The following KIAA1217 variants were observed in gnomAD, a reference collection of about 807,000 sequenced individuals.
KIAA1217 encodes the protein KIAA1217, also known as sickle tail protein homolog.
Under a neutral mutation model 163.9 loss-of-function variants are expected in KIAA1217, and 88 were observed. The ratio of observed to expected loss-of-function variants is 0.54; its 90% CI spans 0.45 to 0.64. KIAA1217 has a LOEUF of 0.64. Ranked by LOEUF, KIAA1217 falls within the 30% of genes least tolerant of loss-of-function variation. The pLI is 0.00. For synonymous variants in KIAA1217, 903 were observed against 923.1 expected, an observed-to-expected ratio of 0.98 and a Z score of 0.39; for missense variants, 2,372 against 2,475.0, an observed-to-expected ratio of 0.96 and a Z score of 0.88.
At chr10:24,357,333 A>C (rs1470109483) in intron 2 of KIAA1217, among the ~76,000 whole-genome samples, 2 of 152,224 alleles carry the variant, frequency 1.3e-5, no homozygotes, top group African/African-American at 2.4e-5. Flanking sequence ...AAAAGGGAGA[A>C]TCAGAAGTGC....
At chr10:24,039,929 C>T (rs1341343358) in intron 2 of KIAA1217, among the ~76,000 whole-genome samples, 3 of 152,156 alleles carry the variant, frequency 2.0e-5, no homozygotes, top group African/African-American at 7.2e-5. Flanking sequence ...GCATAATCCC[C>T]TTGATTTTTC....
chr10:24,512,782 G>A lies in KIAA1217; in HGVS notation c.2002-477G>A, dbSNP rs551430631. Reference sequence around the variant, plus strand: ...GTTGAGTTCCCATTCTACACCATGCGGTATTTCATGTAACCCTCAAGAATG... The same window carrying A: ...GTTGAGTTCCCATTCTACACCATGCAGTATTTCATGTAACCCTCAAGAATG... On this transcript the variant is annotated intron_variant, in intron 9 of 20. Transcript: ENST00000376454. 3.9e-5 allele frequency among the ~76,000 whole-genome samples: 6 copies of A among 152,188 alleles called. 1 individual carries two copies. Among genetic ancestry groups the A allele is most frequent in the South Asian group, 2.1e-4 (1 of 4,814 alleles).
chr10:24,296,048 C>G (rs1590707728), intron 2 of KIAA1217, among the ~76,000 whole-genome samples: 1 of 152,260 alleles, frequency 6.6e-6, no homozygotes. Flanking sequence ...TGAGCTTGCT[C>G]AAAAAGCAGA....
intron 1 of KIAA1217, among the ~76,000 whole-genome samples, chr10:23,836,957 A>G (rs1838491536): frequency 6.6e-6 from 1 of 151,332 alleles, no homozygotes; most frequent in African/African-American, 2.4e-5. Flanking sequence ...GAGGGAGGGA[A>G]TGAATAAGGT....
rs1033870273 is a variant in KIAA1217 at position 24,219,331 on chromosome 10, C to T, written c.71-295C>T. Among the ~76,000 whole-genome samples, 11 of 152,108 alleles carry T rather than the reference C, an allele frequency of 7.2e-5. No individual in the cohort carries two copies. The South Asian group carries it at 8.3e-4, about 11-fold the overall frequency. ...TCTACTATGTTACCCAGGCTGGTCT[C>T]GAACTCTTGGGCTTAAGCGATCCTC... On this transcript the variant is annotated intron_variant, in intron 1 of 20. Transcript: ENST00000376454.
rs747437686 is a variant in KIAA1217, at chr10:24,474,021, C to T, written c.1640C>T (p.Ala547Val). 1 of 1,611,308 alleles carries T rather than the reference C, an allele frequency of 6.2e-7. No individual in the cohort carries two copies. The highest frequency in any genetic ancestry group is 1.1e-5 in the South Asian group (1 of 90,970). ...CCTCTAATGGAGAAGCAAGTTTTTG[C>T]CTACAGCACGGCGACAATACCCAAA... ...GPPLMEKQVF[A>V]YSTATIPKDR... Residue 547 changes from alanine (A) to valine (V), a missense_variant, in exon 6 of 21, where the codon GCC (alanine) becomes GTC (valine). Ala to Val is a moderately conservative substitution (Grantham distance 64). This residue lies in a region of KIAA1217 where 1,431 missense variants were observed against 1,470.3 expected (regional missense o/e 0.97). Coordinates refer to ENST00000376454, the MANE Select transcript of KIAA1217 (RefSeq NM_019590.5).
chr10:24,018,403 T>G (rs12258649), intron 2 of KIAA1217, among the ~76,000 whole-genome samples: 1 of 151,896 alleles, frequency 6.6e-6, no homozygotes, highest in African/African-American at 2.4e-5. Context: ...TAGACTTAGC[T>G]GAAGAGAGGA....
chr10:23,711,050 A>G (rs1027234442), intron 1 of KIAA1217, among the ~76,000 whole-genome samples: 2 of 152,166 alleles, frequency 1.3e-5, no homozygotes, highest in African/African-American at 2.4e-5. Context: ...CTCTTTATCT[A>G]GATGTGAGCA....
At chr10:24,401,436 T>C (rs2056516399) in intron 3 of KIAA1217, among the ~76,000 whole-genome samples, 1 of 152,160 alleles carries the variant, frequency 6.6e-6, no homozygotes, top group Non-Finnish European at 1.5e-5. Flanking sequence ...GCTGGTTCAA[T>C]ATTTGAAAAT....
In KIAA1217 at chr10:24,380,860, C is replaced by A; in HGVS notation, c.355-9C>A. The A allele has an allele frequency of 1.3e-6, 2 of 1,491,992 alleles. No individual in the cohort carries two copies. The highest frequency in any genetic ancestry group is 1.4e-5 in the South Asian group (1 of 72,362). 92.4% of individuals were successfully genotyped at this position (1,491,992 alleles called of 1,614,324 possible). On this transcript the variant is annotated splice_polypyrimidine_tract_variant and intron_variant, in intron 2 of 20. Transcript: ENST00000376454. ...TATTTTCCCACTTTCTTTAAAATGCCTTTTGCAGACAAGGAGCCCCAAACT... is the reference window on the plus strand; with the variant it reads ...TATTTTCCCACTTTCTTTAAAATGCATTTTGCAGACAAGGAGCCCCAAACT...
chr10:24,276,863 C>A (rs1245529618), intron 2 of KIAA1217, among the ~76,000 whole-genome samples: 1 of 151,964 alleles, frequency 6.6e-6, no homozygotes, highest in Non-Finnish European at 1.5e-5. Flanking sequence ...CCGCCTCAGC[C>A]TCTCAAAGTG....
At chr10:24,140,359 CAAAAA>C (rs1260294070) in intron 2 of KIAA1217, among the ~76,000 whole-genome samples, 11 of 94,248 alleles carry the variant, frequency 1.2e-4, no homozygotes, top group African/African-American at 3.5e-4. Flanking sequence ...GACTCTGTCT[CAAAAA>C]AAAAAAAAAA....
rs548471960 is a variant in KIAA1217, at chr10:23,874,867, AT to A, written c.-320-132357del. On this transcript the variant is annotated intron_variant, in intron 1 of 18. Coordinates refer to the KIAA1217 transcript ENST00000376462. ...AGGAATACCTGAGGCTGAGTAATTTATAAGGAAAAGAGGTTTATTTTGCAGT... is the reference window on the plus strand; with the variant it reads ...AGGAATACCTGAGGCTGAGTAATTTAAAGGAAAAGAGGTTTATTTTGCAGT... Among the ~76,000 whole-genome samples, 390 of 152,166 alleles carry A rather than the reference AT, an allele frequency of 2.6e-3. 2 individuals are homozygous for A. The highest frequency in any genetic ancestry group is 9.0e-3 in the African/African-American group (372 of 41,554).
chr10:23,937,558 A>T (rs777581338), intron 1 of KIAA1217, among the ~76,000 whole-genome samples: 1 of 152,106 alleles, frequency 6.6e-6, no homozygotes, highest in African/African-American at 2.4e-5. Flanking sequence ...CATGTTTTAT[A>T]TGTTGCTTAC....
intron 2 of KIAA1217, among the ~76,000 whole-genome samples, chr10:24,307,715 G>A (rs1018936099): frequency 2.0e-5 from 3 of 152,128 alleles, no homozygotes; most frequent in Non-Finnish European, 4.4e-5. Flanking sequence ...GTAAGAGGTC[G>A]GGGCTACATT....
In KIAA1217 at chr10:24,090,332, C is replaced by CTTTT. The variant is rs35966270; in HGVS notation, c.-171+82983_-171+82986dup. The stretch of plus-strand genomic sequence containing the variant: ...CAGGCATGCACCCTCACATCCTGCT[C>CTTTT]TTTTTTTTTTTTTTTTTTTTTTTTT... On this transcript the variant is annotated intron_variant, in intron 2 of 18. Coordinates refer to the KIAA1217 transcript ENST00000376462. Among the ~76,000 whole-genome samples, 218 of 58,942 alleles carry CTTTT rather than the reference C, an allele frequency of 3.7e-3. 46 individuals carry two copies. Among genetic ancestry groups the CTTTT allele is most frequent in the African/African-American group, 0.024 (208 of 8,550 alleles). 38.7% of individuals were successfully genotyped at this position (58,942 alleles called of 152,430 possible).
intron 2 of KIAA1217, among the ~76,000 whole-genome samples, chr10:24,173,834 C>G (rs2065745156): frequency 1.3e-5 from 2 of 152,228 alleles, no homozygotes; most frequent in African/African-American, 2.4e-5. Context: ...CCTCCAAGGA[C>G]TGTGACTTCA....
intron 2 of KIAA1217, among the ~76,000 whole-genome samples, chr10:24,224,639 C>T (rs1334612789): frequency 6.6e-6 from 1 of 151,742 alleles, no homozygotes; most frequent in Non-Finnish European, 1.5e-5. Flanking sequence ...TAATCTTTCT[C>T]TGTTTCAGTT....
intron 4 of KIAA1217, 50 bp downstream of exon 4, chr10:24,433,243 T>A: frequency 7.0e-7 from 1 of 1,435,606 alleles, no homozygotes; most frequent in Non-Finnish European, 9.5e-7. Flanking sequence ...AGAGTTTTTT[T>A]TGTTTTTTGT....
Sources: gnomAD v4.1 joint callset for allele counts (sites outside exome capture counted in the v4.1 genomes callset) on GRCh38, gnomAD v4.1.1 for gene constraint, gnomAD v4.1.1 regional missense constraint, MANE v1.5 for transcripts, NCBI Gene and HGNC (gene_info 2026-07-23, HGNC 2026-07-21) for gene names.